Variants in MED13L observed in about 807,000 individuals in gnomAD.
MED13L encodes the protein mediator of RNA polymerase II transcription subunit 13-like.
A neutral mutation model predicts 220.9 loss-of-function variants in MED13L; 7 were observed. The observed-to-expected ratio is 0.03, with a 90% CI of 0.02 to 0.06. MED13L has a LOEUF of 0.06. Ranked by LOEUF, MED13L falls within the 10% of genes least tolerant of loss-of-function variation. MED13L has a pLI of 1.00. For missense variants in MED13L, 1,965 were observed against 2,760.5 expected (o/e 0.71, Z 6.46); for synonymous variants, 1,011 against 1,015.2 (o/e 1.00, Z 0.08).
At chr12:116,066,068 A>C (rs1241678953) in intron 4 of MED13L, among the ~76,000 whole-genome samples, 1 of 152,184 alleles carries the variant, frequency 6.6e-6, no homozygotes, top group African/African-American at 2.4e-5. Context: ...AAAAGCTATC[A>C]AGTCGGATTC....
At chr12:116,041,984 A>G (rs1881561949) in intron 4 of MED13L, among the ~76,000 whole-genome samples, 1 of 152,368 alleles carries the variant, frequency 6.6e-6, no homozygotes, top group Admixed American at 6.5e-5. Context: ...ACAATTTTTC[A>G]GTGCACAGGT....
intron 2 of MED13L, among the ~76,000 whole-genome samples, chr12:116,140,413 G>A (rs1876965249): frequency 6.6e-6 from 1 of 152,176 alleles, no homozygotes; most frequent in African/African-American, 2.4e-5. Flanking sequence ...CAGTGTTACT[G>A]TTTGTTCTAG....
At chr12:116,043,300 A>G (rs1344670888) in intron 4 of MED13L, among the ~76,000 whole-genome samples, 1 of 152,226 alleles carries the variant, frequency 6.6e-6, no homozygotes, top group African/African-American at 2.4e-5. Context: ...TATTCTATGC[A>G]ATGCACTTGT....
intron 5 of MED13L, among the ~76,000 whole-genome samples, chr12:116,021,702 C>G (rs1880069810): frequency 6.6e-6 from 1 of 152,090 alleles, no homozygotes; most frequent in African/African-American, 2.4e-5. Context: ...TTCAACCAGT[C>G]ATCTCTAATA....
intron 2 of MED13L, among the ~76,000 whole-genome samples, chr12:116,149,658 G>C (rs922372235): frequency 6.6e-6 from 1 of 152,126 alleles, no homozygotes; most frequent in East Asian, 1.9e-4. Flanking sequence ...GACCTTAAAG[G>C]GTGGGTAACA....
chr12:115,978,975 T>C (rs888141518), intron 23 of MED13L, among the ~76,000 whole-genome samples: 2 of 152,196 alleles, frequency 1.3e-5, no homozygotes, highest in Admixed American at 6.5e-5. Context: ...CAGGGGCCTG[T>C]TTTGTTCACC....
chr12:116,223,087 T>C (rs1472775377), intron 2 of MED13L, among the ~76,000 whole-genome samples: 1 of 152,216 alleles, frequency 6.6e-6, no homozygotes, highest in Non-Finnish European at 1.5e-5. Context: ...ATATTACTTA[T>C]CATTGCCATG....
intron 3 of MED13L, among the ~76,000 whole-genome samples, chr12:116,103,005 C>T (rs538880048): frequency 1.3e-5 from 2 of 151,914 alleles, no homozygotes; most frequent in African/African-American, 4.8e-5. Context: ...CATGAGCCAT[C>T]GCACCAGGCG....
chr12:116,067,214 T>C (rs535642499), intron 4 of MED13L, among the ~76,000 whole-genome samples: 7 of 152,296 alleles, frequency 4.6e-5, no homozygotes, highest in African/African-American at 1.7e-4. Context: ...ATCCATAATA[T>C]TTGTATATTT....
intron 2 of MED13L, among the ~76,000 whole-genome samples, chr12:116,158,125 C>T (rs1413045329): frequency 6.7e-6 from 1 of 149,282 alleles, no homozygotes; most frequent in Non-Finnish European, 1.5e-5. Flanking sequence ...AACAGATGAA[C>T]GCAGGTCAGA....
At chr12:116,054,140 CA>C (rs1313449242) in intron 4 of MED13L, among the ~76,000 whole-genome samples, 1 of 151,960 alleles carries the variant, frequency 6.6e-6, no homozygotes, top group African/African-American at 2.4e-5. Context: ...GGAATTCTGC[CA>C]AAGATTTCAT....
rs569048179 is a variant in MED13L, at chr12:116,244,096, G to T, written c.73-6391C>A. On this transcript the variant is annotated intron_variant, in intron 1 of 30. Coordinates refer to ENST00000281928, the MANE Select transcript of MED13L (RefSeq NM_015335.5). The stretch of plus-strand genomic sequence containing the variant: ...ATCCTGGGCAGGATTCTAGGCTGGT[G>T]TATAGAAAAGGCAGCTGTGATCATT... Among the ~76,000 whole-genome samples the T allele has an allele frequency of 7.2e-5, 11 of 152,318 alleles. 4 individuals are homozygous for T. Among genetic ancestry groups the T allele is most frequent in the African/African-American group, 2.4e-4 (10 of 41,556 alleles).
chr12:116,198,118 C>T (rs1881759231), intron 2 of MED13L, among the ~76,000 whole-genome samples: 1 of 151,960 alleles, frequency 6.6e-6, no homozygotes, highest in Non-Finnish European at 1.5e-5. Flanking sequence ...ACCAAGAACC[C>T]AATAATTTTT....
rs137881242 is a variant in MED13L at position 116,044,063 on chromosome 12, C to T, written c.480-21462G>A. 7.7e-3 allele frequency among the ~76,000 whole-genome samples: 1,179 copies of T among 152,232 alleles called. 10 individuals carry two copies. The highest frequency in any genetic ancestry group is 0.027 in the African/African-American group (1,132 of 41,530). ...TAAGAGTTCATGTGACCAAGAATAA[C>T]GCCATTGTACTATATGCTAGCTCTA... On this transcript the variant is annotated intron_variant, in intron 4 of 30. Transcript: ENST00000281928.
chr12:116,062,434 C>T (rs1434437741), intron 4 of MED13L, among the ~76,000 whole-genome samples: 4 of 150,264 alleles, frequency 2.7e-5, no homozygotes, highest in African/African-American at 9.8e-5. Flanking sequence ...TTCTATTGAA[C>T]AATATTACCT....
chr12:116,061,728 C>T (rs1234508934), intron 4 of MED13L, among the ~76,000 whole-genome samples: 1 of 152,066 alleles, frequency 6.6e-6, no homozygotes, highest in Non-Finnish European at 1.5e-5. Context: ...AAATTCAAGG[C>T]CAGGCGTAGT....
At chr12:116,115,710 C>T (rs1459950351) in intron 2 of MED13L, among the ~76,000 whole-genome samples, 13 of 151,254 alleles carry the variant, frequency 8.6e-5, no homozygotes, top group Admixed American at 8.6e-4. Context: ...TTTGAACAGA[C>T]GGTTCACCAA....
chr12:116,216,981 GA>G (rs1883037097), intron 2 of MED13L, among the ~76,000 whole-genome samples: 1 of 152,314 alleles, frequency 6.6e-6, no homozygotes, highest in South Asian at 2.1e-4. Flanking sequence ...CCTCAAGGAA[GA>G]AAAAATTTTA....
chr12:116,023,530 A>G (rs1331512463), intron 4 of MED13L, among the ~76,000 whole-genome samples: 1 of 152,164 alleles, frequency 6.6e-6, no homozygotes, highest in Non-Finnish European at 1.5e-5. Context: ...AGTATTATAA[A>G]GTACATTTGG....
Sources: gnomAD v4.1 joint callset for allele counts (sites outside exome capture counted in the v4.1 genomes callset) on GRCh38, gnomAD v4.1.1 for gene constraint, MANE v1.5 for transcripts, NCBI Gene and HGNC (gene_info 2026-07-23, HGNC 2026-07-21) for gene names.